PTPRN2: variants seen among roughly 807,000 people sequenced by gnomAD.
PTPRN2 encodes the protein protein tyrosine phosphatase receptor type N2, also known as receptor-type tyrosine-protein phosphatase N2.
A neutral mutation model predicts 118.8 loss-of-function variants in PTPRN2; 74 were observed. The observed-to-expected ratio is 0.62, with a 90% CI of 0.52 to 0.76. The LOEUF is 0.76. Among genes scored for constraint, PTPRN2 ranks in the 30% least tolerant of loss-of-function variants. The probability of loss-of-function intolerance (pLI) is 0.00; values close to 1 mark genes in which losing one functional copy is unlikely to be tolerated. For missense variants in PTPRN2, 1,481 were observed against 1,394.4 expected, an observed-to-expected ratio of 1.06 and a Z score of -0.99; for synonymous variants, 641 against 608.0, an observed-to-expected ratio of 1.05 and a Z score of -0.80.
At chr7:157,670,567 C>G (rs571989922) in intron 13 of PTPRN2, among the ~76,000 whole-genome samples, 100 of 152,300 alleles carry the variant, frequency 6.6e-4, no homozygotes, top group African/African-American at 2.2e-3. Flanking sequence ...ACCCACGATG[C>G]CTGCAACCCT....
At chr7:158,305,245 G>A (rs1283560724) in intron 3 of PTPRN2, among the ~76,000 whole-genome samples, 2 of 152,110 alleles carry the variant, frequency 1.3e-5, no homozygotes, top group African/African-American at 4.8e-5. Flanking sequence ...TTTTATTTTT[G>A]GTTTATACTC....
chr7:157,974,012 A>C lies in PTPRN2; in HGVS notation c.1724-75275T>G, dbSNP rs1462852676. ...AGAGTGAATGCCAAATGATACATTT[A>C]TATTAGATCTCTCTGACCACTGCTG... is the stretch of plus-strand genomic sequence containing the variant. On this transcript the variant is annotated intron_variant, in intron 11 of 22. Transcript: ENST00000389418. The surrounding 1 kb of genome is among the most constrained non-coding windows in gnomAD (Gnocchi z 4.0). Among the ~76,000 whole-genome samples the C allele has an allele frequency of 6.6e-6, 1 of 152,194 alleles. No individual in the cohort carries two copies. Among genetic ancestry groups the C allele is most frequent in the African/African-American group, 2.4e-5 (1 of 41,442 alleles).
intron 2 of PTPRN2, among the ~76,000 whole-genome samples, chr7:158,482,087 T>C (rs923683897): frequency 7.2e-5 from 11 of 152,306 alleles, no homozygotes; most frequent in Non-Finnish European, 1.5e-5. Flanking sequence ...CACAATCTCA[T>C]GATAAAACTT....
At chr7:158,258,188 A>T (rs1346093769) in intron 3 of PTPRN2, among the ~76,000 whole-genome samples, 1 of 152,180 alleles carries the variant, frequency 6.6e-6, no homozygotes, top group African/African-American at 2.4e-5. Flanking sequence ...CTCCTGGAGC[A>T]TTCCCGACGT....
chr7:158,286,631 C>T (rs1799789540), intron 3 of PTPRN2, among the ~76,000 whole-genome samples: 1 of 152,104 alleles, frequency 6.6e-6, no homozygotes, highest in African/African-American at 2.4e-5. Flanking sequence ...TTTTATCCTT[C>T]CCTCAATGTG....
At chr7:158,319,573 GCACA>G (rs1217794913) in intron 2 of PTPRN2, among the ~76,000 whole-genome samples, 419 of 39,348 alleles carry the variant, frequency 0.011, 43 homozygotes, top group African/African-American at 0.04. Context: ...CCTCACACAC[GCACA>G]CAGCCTCCCT....
chr7:157,591,134 G>A lies in PTPRN2; in HGVS notation c.2496+4104C>T, dbSNP rs938333694. 1.5e-4 allele frequency among the ~76,000 whole-genome samples: 23 copies of A among 152,244 alleles called. No homozygotes were observed. The highest frequency in any genetic ancestry group is 2.6e-4 in the Admixed American group (4 of 15,292). ...AATTTGGACCCTGACATAAATCCAC[G>A]GTGGGGAAAAGCTGTGTGACAGGGA... On this transcript the variant is annotated intron_variant, in intron 17 of 22. Coordinates refer to ENST00000389418, the MANE Select transcript of PTPRN2 (RefSeq NM_002847.5). The surrounding 1 kb of genome is among the most constrained non-coding windows in gnomAD (Gnocchi z 4.4).
chr7:157,562,180 G>A (rs1799226414), intron 21 of PTPRN2, among the ~76,000 whole-genome samples: 1 of 152,216 alleles, frequency 6.6e-6, no homozygotes, highest in South Asian at 2.1e-4. Flanking sequence ...CTCGCCCAGG[G>A]CTCTGGGGAC....
intron 12 of PTPRN2, among the ~76,000 whole-genome samples, chr7:157,704,480 C>T (rs1798229300): frequency 6.6e-6 from 1 of 152,216 alleles, no homozygotes; most frequent in South Asian, 2.1e-4. Context: ...ATGAAGAGTG[C>T]AAGAGACCAC....
At chr7:157,899,826 C>G (rs1236662743) in intron 11 of PTPRN2, among the ~76,000 whole-genome samples, 1 of 152,164 alleles carries the variant, frequency 6.6e-6, no homozygotes. Flanking sequence ...ACAAGACAGA[C>G]AGAAAACAGT....
rs1347317650 is a variant in PTPRN2 at position 158,043,148 on chromosome 7, C to A, written c.1723+38150G>T. ...ATTACTTGAGCTCAGGAGTTCAACA[C>A]CAGCCTCAGAAACATAGCAAGACCC... is the stretch of plus-strand genomic sequence containing the variant. On this transcript the variant is annotated intron_variant, in intron 11 of 22. Coordinates refer to ENST00000389418, the MANE Select transcript of PTPRN2 (RefSeq NM_002847.5). 3.9e-5 allele frequency among the ~76,000 whole-genome samples: 6 copies of A among 152,176 alleles called. No individual in the cohort carries two copies. The East Asian group carries it at 1.2e-3, about 29-fold the overall frequency.
In PTPRN2 at chr7:157,763,921, T is replaced by C. The variant is rs1802294770; in HGVS notation, c.1789-80984A>G. 6.6e-6 allele frequency among the ~76,000 whole-genome samples: 1 copy of C among 152,068 alleles called. No individual in the cohort carries two copies. The highest frequency in any genetic ancestry group is 2.4e-5 in the African/African-American group (1 of 41,414). On this transcript the variant is annotated intron_variant, in intron 12 of 22. Coordinates refer to ENST00000389418, the MANE Select transcript of PTPRN2 (RefSeq NM_002847.5). The surrounding 1 kb of genome is among the most constrained non-coding windows in gnomAD (Gnocchi z 4.9). Reference sequence around the variant, plus strand: ...AGAAGCAACAACACCTCATATTCAGTCTAACCTGTGACCATTTTCCAAACA... The same window carrying C: ...AGAAGCAACAACACCTCATATTCAGCCTAACCTGTGACCATTTTCCAAACA...
In PTPRN2 at chr7:158,341,972, C is replaced by T. The variant is rs1178641553; in HGVS notation, c.164-25040G>A. Among the ~76,000 whole-genome samples, 5 of 150,724 alleles carry T rather than the reference C, an allele frequency of 3.3e-5. No individual in the cohort carries two copies. In the East Asian group the frequency reaches 9.9e-4, roughly 30 times the overall value. On this transcript the variant is annotated intron_variant, in intron 2 of 22. Coordinates refer to ENST00000389418, the MANE Select transcript of PTPRN2 (RefSeq NM_002847.5). Reference sequence around the variant, plus strand: ...AGCTGTCGCCCGCAGACGTCACTCACACCCACACTCTCACCATAAGAGGTG... The same window carrying T: ...AGCTGTCGCCCGCAGACGTCACTCATACCCACACTCTCACCATAAGAGGTG...
chr7:158,463,208 C>G (rs1041729212), intron 2 of PTPRN2, among the ~76,000 whole-genome samples: 1 of 152,184 alleles, frequency 6.6e-6, no homozygotes, highest in African/African-American at 2.4e-5. Context: ...TATGCAAGTA[C>G]AGAACTGGAG....
intron 11 of PTPRN2, among the ~76,000 whole-genome samples, chr7:157,917,479 C>T (rs1479389400): frequency 2.0e-5 from 3 of 152,052 alleles, no homozygotes; most frequent in South Asian, 2.1e-4. Flanking sequence ...TGCCGGGGGG[C>T]GGGGCTTCGG....
chr7:158,484,144 A>G (rs111269958), intron 2 of PTPRN2, among the ~76,000 whole-genome samples: 1 of 147,112 alleles, frequency 6.8e-6, no homozygotes, highest in African/African-American at 2.5e-5. Context: ...TGCTTGTCTT[A>G]AAAAAAACAA....
chr7:158,333,671 C>T (rs1236599824), intron 2 of PTPRN2, among the ~76,000 whole-genome samples: 17 of 151,272 alleles, frequency 1.1e-4, no homozygotes, highest in African/African-American at 3.4e-4. Flanking sequence ...GAGCTGACAC[C>T]CACAGACATC....
Position 157,789,515 on chromosome 7 carries a change from C to T in PTPRN2, c.1789-106578G>A, listed in dbSNP as rs552069462. ...AGGTCTCTGCCGGAGAGAAAAGGGG[C>T]GGCCTGGGCTTCTCTTCAAAAGTGT... On this transcript the variant is annotated intron_variant, in intron 12 of 22. Coordinates refer to ENST00000389418, the MANE Select transcript of PTPRN2 (RefSeq NM_002847.5). 1.9e-3 allele frequency among the ~76,000 whole-genome samples: 289 copies of T among 152,342 alleles called. 2 individuals are homozygous for T. The highest frequency in any genetic ancestry group is 6.7e-3 in the African/African-American group (280 of 41,580).
rs374217977 is a variant in PTPRN2 at position 158,509,279 on chromosome 7, T to A, written c.113-19494A>T. ...TCCACTTCCTTTCCTTGCCGGCCCG[T>A]CAGTCACAGCATCGGAAGAATGAAT... On this transcript the variant is annotated intron_variant, in intron 1 of 22. Coordinates refer to ENST00000389418, the MANE Select transcript of PTPRN2 (RefSeq NM_002847.5). The surrounding 1 kb of genome is among the most constrained non-coding windows in gnomAD (Gnocchi z 4.4). Among the ~76,000 whole-genome samples the A allele has an allele frequency of 6.6e-6, 1 of 152,124 alleles. No homozygotes were observed. Among genetic ancestry groups the A allele is most frequent in the Non-Finnish European group, 1.5e-5 (1 of 68,020 alleles).
Sources: allele counts gnomAD v4.1 joint callset (sites outside exome capture counted in the v4.1 genomes callset), GRCh38; gene constraint gnomAD v4.1.1; non-coding constraint Gnocchi (gnomAD v3.1); transcripts MANE v1.5; gene names NCBI Gene and HGNC (gene_info 2026-07-23, HGNC 2026-07-21).